Variants in COL22A1 observed in about 807,000 individuals in gnomAD.
COL22A1 encodes the protein collagen alpha-1(XXII) chain.
Under a neutral mutation model 248.9 loss-of-function variants are expected in COL22A1, and 221 were observed. The observed-to-expected ratio is 0.89, with a 90% confidence interval of 0.80 to 0.99. The LOEUF (loss-of-function observed/expected upper bound fraction) is 0.99, where lower values mean the gene tolerates loss of function less well. COL22A1 is among the 50% of genes least tolerant of loss of function. The pLI, the probability that COL22A1 is intolerant of heterozygous loss-of-function variation, is 0.00. For synonymous variants in COL22A1, 891 were observed against 793.4 expected (o/e 1.12, Z -2.07); for missense variants, 2,240 against 2,179.0 (o/e 1.03, Z -0.56).
At chr8:138,851,333 TAG>T (rs1821632465) in intron 3 of COL22A1, among the ~76,000 whole-genome samples, 1 of 152,088 alleles carries the variant, frequency 6.6e-6, no homozygotes, top group Admixed American at 6.5e-5. Flanking sequence ...GCCCCACAGC[TAG>T]AGTGGCAGGA....
chr8:138,692,321 C>CGT (rs1827127993), intron 35 of COL22A1, among the ~76,000 whole-genome samples: 1 of 6,878 alleles, frequency 1.5e-4, no homozygotes, highest in African/African-American at 6.3e-4. Flanking sequence ...TGTGTGCATG[C>CGT]GTGTGCATGT....
intron 18 of COL22A1, among the ~76,000 whole-genome samples, chr8:138,757,464 AT>A (rs2131372881): frequency 1.3e-5 from 1 of 76,684 alleles, no homozygotes; most frequent in Non-Finnish European, 2.9e-5. Flanking sequence ...TTATTATTAT[AT>A]TACACCACAA....
intron 23 of COL22A1, among the ~76,000 whole-genome samples, chr8:138,732,808 T>C (rs1830808043): frequency 6.6e-6 from 1 of 152,244 alleles, no homozygotes; most frequent in Admixed American, 6.5e-5. Flanking sequence ...GATTAGTAGT[T>C]ACAATGATGA....
intron 15 of COL22A1, among the ~76,000 whole-genome samples, 197 bp from the exon 16 acceptor site, chr8:138,776,207 G>T (rs977220148): frequency 6.6e-6 from 1 of 152,178 alleles, no homozygotes; most frequent in African/African-American, 2.4e-5. Flanking sequence ...GGCAGCAGAG[G>T]CAGGCCACTT....
chr8:138,779,660 C>T (rs1395476194), intron 13 of COL22A1, 98 bp from the exon 14 acceptor site: 9 of 786,314 alleles, frequency 1.1e-5, no homozygotes, highest in East Asian at 2.5e-5. Context: ...CTTCCTGCAG[C>T]TCAGAACACA....
intron 11 of COL22A1, 124 bp downstream of exon 11, chr8:138,802,748 G>A: frequency 1.3e-6 from 1 of 757,798 alleles, no homozygotes; most frequent in Non-Finnish European, 2.4e-6. Context: ...GGGTGGTGTG[G>A]GAGTAGTGCC....
At chr8:138,627,607 G>C (rs532172016) in intron 50 of COL22A1, among the ~76,000 whole-genome samples, 1 of 152,262 alleles carries the variant, frequency 6.6e-6, no homozygotes, top group South Asian at 2.1e-4. Context: ...CATTGGCAGA[G>C]AGGCTGAAAC....
intron 45 of COL22A1, among the ~76,000 whole-genome samples, chr8:138,654,998 C>A (rs981852039): frequency 5.3e-5 from 8 of 152,216 alleles, no homozygotes; most frequent in African/African-American, 1.2e-4. Flanking sequence ...CTGTTTGACT[C>A]TGCCGCTGGC....
At chr8:138,852,753 A>G (rs575592248) in intron 3 of COL22A1, among the ~76,000 whole-genome samples, 47 of 152,182 alleles carry the variant, frequency 3.1e-4, no homozygotes, top group African/African-American at 1.0e-3. Context: ...GTGAGGTGGG[A>G]GGAGAACCAG....
At chr8:138,850,949 T>C (rs1366556987) in intron 3 of COL22A1, among the ~76,000 whole-genome samples, 2 of 152,224 alleles carry the variant, frequency 1.3e-5, no homozygotes, top group Non-Finnish European at 2.9e-5. Context: ...ATTTGCCAAG[T>C]GCCTGGCACA....
chr8:138,814,121 C>T (rs772708427), intron 7 of COL22A1, among the ~76,000 whole-genome samples: 2 of 152,232 alleles, frequency 1.3e-5, no homozygotes, highest in Non-Finnish European at 2.9e-5. Flanking sequence ...AGGGCCTGGC[C>T]CTGCCTGGCT....
At chr8:138,593,566 G>C (rs1817269054) in intron 63 of COL22A1, among the ~76,000 whole-genome samples, 2 of 152,088 alleles carry the variant, frequency 1.3e-5, no homozygotes, top group South Asian at 4.1e-4. Flanking sequence ...CCCTTTGAAG[G>C]AGAGACCTTC....
At chr8:138,698,212 G>A (rs150108781) in intron 32 of COL22A1, among the ~76,000 whole-genome samples, 199 of 152,320 alleles carry the variant, frequency 1.3e-3, no homozygotes, top group African/African-American at 4.6e-3. Context: ...AAAGGCAGGT[G>A]ACCAGTGGAA....
intron 6 of COL22A1, 38 bp downstream of exon 6, chr8:138,826,620 G>A: frequency 3.7e-6 from 6 of 1,608,858 alleles, no homozygotes; most frequent in South Asian, 3.3e-5. Context: ...GGAACAGAAA[G>A]CTCAGGACCA....
chr8:138,598,641 T>C, intron 61 of COL22A1, 78 bp downstream of exon 61: 1 of 1,390,264 alleles, frequency 7.2e-7, no homozygotes, highest in Non-Finnish European at 9.8e-7. Context: ...AACTGGTGCC[T>C]CTGAAGTCCA....
intron 39 of COL22A1, among the ~76,000 whole-genome samples, chr8:138,684,140 T>C (rs1247978136): frequency 6.6e-6 from 1 of 151,914 alleles, no homozygotes; most frequent in Non-Finnish European, 1.5e-5. Flanking sequence ...GGTGCATCCC[T>C]GTAGTCCCAG....
In COL22A1 at chr8:138,694,835, A is replaced by T. The variant is rs1167342993; in HGVS notation, c.2637T>A (p.Pro879=). 1.9e-6 allele frequency: 3 copies of T among 1,614,024 alleles called. No homozygotes were observed. The highest frequency in any genetic ancestry group is 2.2e-5 in the East Asian group (1 of 44,852). Reference sequence around the variant, plus strand: ...GACACAAGAGACTCACCGGTTCCCCAGGCAGGCCTGGATCGCCCTTCTCTC... The same window carrying T: ...GACACAAGAGACTCACCGGTTCCCCTGGCAGGCCTGGATCGCCCTTCTCTC... ...PKGEKGDPGL[P]GEPGLQGRPG... The change falls in exon 33 of 65, where the codon CCT becomes CCA. Residue 879 remains proline (P), a synonymous_variant. Coordinates refer to ENST00000303045, the MANE Select transcript of COL22A1 (RefSeq NM_152888.3).
intron 56 of COL22A1, among the ~76,000 whole-genome samples, chr8:138,608,976 A>T (rs891503450): frequency 6.6e-6 from 1 of 152,218 alleles, no homozygotes; most frequent in Non-Finnish European, 1.5e-5. Context: ...TAAATAATAA[A>T]CCAAGGACAT....
At chr8:138,902,166 G>A (rs1341502848) in intron 1 of COL22A1, among the ~76,000 whole-genome samples, 3 of 152,136 alleles carry the variant, frequency 2.0e-5, no homozygotes, top group South Asian at 4.1e-4. Flanking sequence ...GGCACCACGT[G>A]GATGCCCGAA....
Sources: gnomAD v4.1 joint callset for allele counts (sites outside exome capture counted in the v4.1 genomes callset) on GRCh38, gnomAD v4.1.1 for gene constraint, MANE v1.5 for transcripts, NCBI Gene and HGNC (gene_info 2026-07-23, HGNC 2026-07-21) for gene names.